MAK: variants seen among roughly 807,000 people sequenced by gnomAD.
MAK encodes the protein serine/threonine-protein kinase MAK.
Under a neutral mutation model 82.6 loss-of-function variants are expected in MAK, and 65 were observed. The ratio of observed to expected loss-of-function variants is 0.79; its 90% CI spans 0.64 to 0.97. MAK has a LOEUF of 0.97. MAK is among the 50% of genes least tolerant of loss of function. MAK has a pLI of 0.00. For missense variants in MAK, 703 were observed against 780.2 expected (o/e 0.90, Z 1.18); for synonymous variants, 250 against 274.2 (o/e 0.91, Z 0.87).
rs910050230 is a variant in MAK at position 10,764,104 on chromosome 6, G to A, written c.*348C>T. ...AACCATTTGGGCACATACAACAAATGAAAACTAAAACACTCTAAACATTTT... is the reference window on the plus strand; with the variant it reads ...AACCATTTGGGCACATACAACAAATAAAAACTAAAACACTCTAAACATTTT... On this transcript the variant is annotated 3_prime_UTR_variant, in exon 15 of 15. Transcript: ENST00000354489. The A allele has an allele frequency of 1.0e-4, 24 of 236,062 alleles. No homozygotes were observed. Among genetic ancestry groups the A allele is most frequent in the Non-Finnish European group, 1.7e-4 (20 of 119,228 alleles). 14.6% of individuals were successfully genotyped at this position (236,062 alleles called of 1,614,324 possible). A position where few individuals can be genotyped will look rare whatever the true frequency, so the allele number is the denominator to read the frequency against.
intron 1 of MAK, among the ~76,000 whole-genome samples, chr6:10,834,492 A>C (rs1021234655): frequency 6.6e-6 from 1 of 152,274 alleles, no homozygotes; most frequent in Non-Finnish European, 1.5e-5. Context: ...AGGCTAAAGA[A>C]ATCATCCTCT....
intron 2 of MAK, among the ~76,000 whole-genome samples, chr6:10,828,600 G>C (rs189496530): frequency 1.8e-3 from 268 of 152,238 alleles, no homozygotes; most frequent in African/African-American, 5.9e-3. Context: ...AGAGGAGCCT[G>C]GGCAACATGG....
Position 10,793,819 on chromosome 6 carries a change from T to G in MAK, c.1144-1972A>C, listed in dbSNP as rs2127544808. On this transcript the variant is annotated intron_variant, in intron 9 of 14. Transcript: ENST00000354489. This position sits in a 1 kb window ranked among gnomAD's most constrained non-coding sequence, Gnocchi z 4.6. ...ATATGAGTCAACAATTGATGCATCT[T>G]CCAAGGGGTCATGGGGAGGACTGTC... 6.6e-6 allele frequency among the ~76,000 whole-genome samples: 1 copy of G among 152,308 alleles called. No individual in the cohort carries two copies. Among genetic ancestry groups the G allele is most frequent in the South Asian group, 2.1e-4 (1 of 4,832 alleles).
intron 3 of MAK, 71 bp from the exon 4 acceptor site, chr6:10,818,042 G>T: frequency 1.2e-6 from 1 of 861,372 alleles, no homozygotes. Flanking sequence ...TTGCATCAAT[G>T]CTAAGTGTAA....
chr6:10,796,381 G>GTGCGAGGCATTTAT (rs1341748111), intron 8 of MAK, 72 bp from the exon 9 acceptor site: 1 of 1,307,192 alleles, frequency 7.6e-7, no homozygotes, highest in Non-Finnish European at 1.1e-6. Flanking sequence ...AACTATGGTT[G>GTGCGAGGCATTTAT]GCCCTGTGCG....
Position 10,762,972 on chromosome 6 carries a change from T to C in MAK, c.*1480A>G, listed in dbSNP as rs1472117763. The C allele has an allele frequency of 6.6e-6, 1 of 152,626 alleles. No homozygotes were observed. The highest frequency in any genetic ancestry group is 1.9e-4 in the East Asian group (1 of 5,208). The allele number at this position is 152,626 out of a possible 1,614,324, so 9.5% of individuals were successfully genotyped here. A position where few individuals can be genotyped will look rare whatever the true frequency, so the allele number is the denominator to read the frequency against. ...GCCCACAAGATGACACTTATTACAA[T>C]AGCAGTTGTTACAAAGTCACAAAAT... On this transcript the variant is annotated 3_prime_UTR_variant, in exon 15 of 15. Coordinates refer to ENST00000354489, the MANE Select transcript of MAK (RefSeq NM_001242957.3).
At chr6:10,770,665 GGTT>G (rs1772922966) in intron 13 of MAK, among the ~76,000 whole-genome samples, 1 of 152,160 alleles carries the variant, frequency 6.6e-6, no homozygotes, top group African/African-American at 2.4e-5. Context: ...ATTCTCGTAG[GGTT>G]GTTGTAGGGA....
rs549235601 is a variant in MAK, at chr6:10,770,571, G to A, written c.1673-341C>T. ...TCACGACCCCACTTCTTCACATGGG[G>A]GTGTATTTCCCACTGCGAAGCCCCT... On this transcript the variant is annotated intron_variant, in intron 13 of 14. Transcript: ENST00000354489. 9.4e-4 allele frequency among the ~76,000 whole-genome samples: 143 copies of A among 152,212 alleles called. 1 individual carries two copies. The highest frequency in any genetic ancestry group is 3.3e-3 in the African/African-American group (135 of 41,530).
chr6:10,824,197 C>G (rs1035130726), intron 2 of MAK, among the ~76,000 whole-genome samples: 6 of 152,156 alleles, frequency 3.9e-5, no homozygotes, highest in Non-Finnish European at 8.8e-5. Flanking sequence ...GATAACCCTG[C>G]CAGTAGCCTG....
intron 5 of MAK, among the ~76,000 whole-genome samples, chr6:10,811,959 G>A (rs761589238): frequency 7.9e-5 from 12 of 152,278 alleles, no homozygotes; most frequent in African/African-American, 2.2e-4. Context: ...CAGCACTTCC[G>A]GAGGCTGAGG....
At position 10,764,428 on chromosome 6, in the gene MAK, T is replaced by C. The variant is rs1561922293; in HGVS notation, c.*24A>G. ...TTGCACGTACTCTACGGAGCAATGC[T>C]GTAGGGTTTCACACCATAGACTCCT... On this transcript the variant is annotated 3_prime_UTR_variant, in exon 15 of 15. Transcript: ENST00000354489. The C allele has an allele frequency of 1.2e-6, 2 of 1,612,134 alleles. No individual in the cohort carries two copies. The highest frequency in any genetic ancestry group is 1.7e-4 in the Middle Eastern group (1 of 5,870).
intron 5 of MAK, among the ~76,000 whole-genome samples, chr6:10,812,901 T>C (rs1358810743): frequency 2.0e-5 from 3 of 150,042 alleles, no homozygotes; most frequent in African/African-American, 7.4e-5. Flanking sequence ...GTAGCTGGGA[T>C]TATAGGCGCG....
chr6:10,791,915 ATC>A (rs1187096991), intron 9 of MAK, 68 bp from the exon 10 acceptor site: 1 of 1,519,622 alleles, frequency 6.6e-7, no homozygotes, highest in Non-Finnish European at 9.1e-7. Context: ...ACAAGCTACT[ATC>A]TATGTAAGAC....
At chr6:10,789,640 A>G (rs1301774817) in intron 10 of MAK, among the ~76,000 whole-genome samples, 2 of 152,194 alleles carry the variant, frequency 1.3e-5, no homozygotes, top group Non-Finnish European at 1.5e-5. Context: ...AATAAAAGTT[A>G]TGTGAATGTG....
chr6:10,787,793 G>A (rs376226779), intron 10 of MAK, among the ~76,000 whole-genome samples: 69 of 151,564 alleles, frequency 4.6e-4, no homozygotes, highest in East Asian at 9.8e-4. Context: ...CCCAGGAGGC[G>A]GAGCTTGCAG....
Position 10,796,072 on chromosome 6 carries a change from G to A in MAK, c.1069C>T (p.Gln357Ter), listed in dbSNP as rs200300453. 6.2e-7 allele frequency: 1 copy of A among 1,614,188 alleles called. No homozygotes were observed. Among genetic ancestry groups the A allele is most frequent in the African/African-American group, 1.3e-5 (1 of 75,052 alleles). The part of the protein sequence containing the change: ...IQPPQNLSVQ[Q>*]PPKQQSQEKP... The stretch of plus-strand genomic sequence containing the variant: ...TCCTGACTCTGTTGCTTTGGAGGTT[G>A]CTGGACGCTCAGGTTCTGTGGCGGC... The change falls in exon 9 of 15, where the codon CAA becomes TAA. Residue 357 changes from glutamine to a stop codon, truncating the protein, a stop_gained. Coordinates refer to ENST00000354489, the MANE Select transcript of MAK (RefSeq NM_001242957.3). LOFTEE classifies it high-confidence loss of function.
intron 9 of MAK, 37 bp from the exon 10 acceptor site, chr6:10,791,884 T>C: frequency 6.2e-7 from 1 of 1,602,910 alleles, no homozygotes; most frequent in South Asian, 1.1e-5. Flanking sequence ...TCTTTAATCA[T>C]GTACTGAATG....
chr6:10,813,743 C>G lies in MAK; in HGVS notation c.279-20G>C, dbSNP rs1193514461. The G allele has an allele frequency of 1.4e-6, 2 of 1,407,072 alleles. No homozygotes were observed. Among genetic ancestry groups the G allele is most frequent in the Admixed American group, 3.3e-5 (2 of 59,718 alleles). The allele number at this position is 1,407,072 out of a possible 1,614,324, so 87.2% of individuals were successfully genotyped here. ...TTGTTTCTGTAAAGAAATGAACAGT[C>G]ACATAATTCTGTTAAGCAACCAGCC... is the stretch of plus-strand genomic sequence containing the variant. On this transcript the variant is annotated intron_variant, in intron 4 of 14. Coordinates refer to ENST00000354489, the MANE Select transcript of MAK (RefSeq NM_001242957.3).
chr6:10,815,524 G>A lies in MAK; in HGVS notation c.279-1801C>T, dbSNP rs546600117. Among the ~76,000 whole-genome samples the A allele has an allele frequency of 1.3e-4, 20 of 152,196 alleles. 2 individuals are homozygous for A. The South Asian group carries it at 3.7e-3, about 28-fold the overall frequency. ...TGCAGTCCCAGCTACTTGGGGCACCGAGGCAGGGGAATTGCTGGAGCCCAA... is the reference window on the plus strand; with the variant it reads ...TGCAGTCCCAGCTACTTGGGGCACCAAGGCAGGGGAATTGCTGGAGCCCAA... On this transcript the variant is annotated intron_variant, in intron 4 of 14. Transcript: ENST00000354489.
Sources: gnomAD v4.1 joint callset for allele counts (sites outside exome capture counted in the v4.1 genomes callset) on GRCh38, gnomAD v4.1.1 for gene constraint, Gnocchi (gnomAD v3.1) non-coding constraint, MANE v1.5 for transcripts, NCBI Gene and HGNC (gene_info 2026-07-23, HGNC 2026-07-21) for gene names.